TMX3: variants seen among roughly 807,000 people sequenced by gnomAD.
TMX3 encodes the protein protein disulfide-isomerase TMX3.
In TMX3, 40 loss-of-function variants were observed where a neutral mutation model predicts 64.4. That is an observed-to-expected ratio of 0.62 (90% confidence interval 0.48 to 0.81). The LOEUF is 0.81. Ranked by LOEUF, TMX3 falls within the 30% of genes least tolerant of loss-of-function variation. The pLI is 0.00. For missense variants in TMX3, 497 were observed against 534.5 expected, an observed-to-expected ratio of 0.93 and a Z score of 0.69; for synonymous variants, 189 against 175.7, an observed-to-expected ratio of 1.08 and a Z score of -0.60.
chr18:68,688,262 A>G (rs1315072149), intron 9 of TMX3, among the ~76,000 whole-genome samples: 1 of 152,134 alleles, frequency 6.6e-6, no homozygotes, highest in African/African-American at 2.4e-5. Flanking sequence ...CACTACAGGT[A>G]ATTTTTATTA....
intron 2 of TMX3, 55 bp from the exon 3 acceptor site, chr18:68,711,458 G>A (rs1433808583): frequency 3.2e-6 from 4 of 1,269,776 alleles, no homozygotes; most frequent in Non-Finnish European, 2.2e-6. Flanking sequence ...CTTTACAACT[G>A]TATAGTATAG....
intron 7 of TMX3, chr18:68,697,727 C>A: frequency 2.1e-6 from 1 of 471,346 alleles, no homozygotes; most frequent in Non-Finnish European, 3.7e-6. Context: ...AACATTTACT[C>A]ACTTTTTACA....
At chr18:68,690,672 A>C (rs1207026146) in intron 9 of TMX3, among the ~76,000 whole-genome samples, 1 of 152,242 alleles carries the variant, frequency 6.6e-6, no homozygotes, top group Non-Finnish European at 1.5e-5. Flanking sequence ...ATTTGCTTTA[A>C]AGTACTTCAG....
chr18:68,686,636 G>A (rs1016943185), intron 10 of TMX3: 2 of 648,720 alleles, frequency 3.1e-6, no homozygotes, highest in African/African-American at 2.0e-5. Context: ...GAACCAGGGA[G>A]GTGGAGGTTG....
chr18:68,697,587 GTGA>G (rs1393400668), intron 7 of TMX3: 4 of 334,096 alleles, frequency 1.2e-5, no homozygotes, highest in African/African-American at 2.1e-5. Context: ...CAAAATGATG[GTGA>G]TGATTATAGG....
In TMX3 at chr18:68,704,029, G is replaced by A. The variant is rs1211040292; in HGVS notation, c.266-2239C>T. Among the ~76,000 whole-genome samples, 6 of 151,926 alleles carry A rather than the reference G, an allele frequency of 3.9e-5. No homozygotes were observed. The East Asian group carries it at 5.8e-4, about 15-fold the overall frequency. ...AGTTAGGACTCTAACTTCATTTATC[G>A]CCTATGTAACTCTGGATGTTTTTGT... On this transcript the variant is annotated intron_variant, in intron 4 of 15. Coordinates refer to ENST00000299608, the MANE Select transcript of TMX3 (RefSeq NM_019022.5).
intron 8 of TMX3, among the ~76,000 whole-genome samples, chr18:68,692,844 G>C (rs552472275): frequency 1.0e-3 from 157 of 152,206 alleles, no homozygotes; most frequent in Non-Finnish European, 2.0e-3. Flanking sequence ...CTACATATAT[G>C]CCCACCCAGG....
At chr18:68,689,472 T>C (rs538470948) in intron 9 of TMX3, among the ~76,000 whole-genome samples, 3 of 152,048 alleles carry the variant, frequency 2.0e-5, no homozygotes, top group Admixed American at 6.5e-5. Context: ...AACATGAGAT[T>C]TGAAGACTGA....
chr18:68,704,238 GCA>G (rs2030429185), intron 4 of TMX3, among the ~76,000 whole-genome samples: 1 of 152,090 alleles, frequency 6.6e-6, no homozygotes, highest in Admixed American at 6.5e-5. Flanking sequence ...ACACATCAAT[GCA>G]CACATAGTAT....
chr18:68,691,514 C>T (rs541303551), intron 8 of TMX3, among the ~76,000 whole-genome samples, 153 bp from the exon 9 acceptor site: 41 of 152,250 alleles, frequency 2.7e-4, no homozygotes, highest in African/African-American at 9.9e-4. Flanking sequence ...CAGTCAATCC[C>T]AAACTCATCC....
intron 5 of TMX3, 80 bp downstream of exon 5, chr18:68,701,665 C>A (rs2030084723): frequency 6.3e-7 from 1 of 1,591,978 alleles, no homozygotes; most frequent in Non-Finnish European, 8.6e-7. Context: ...TCCAGGGAAT[C>A]TACTAGAAAT....
At chr18:68,687,836 G>A (rs962604028) in intron 9 of TMX3, 71 bp from the exon 10 acceptor site, 1 of 1,181,632 alleles carries the variant, frequency 8.5e-7, no homozygotes, top group African/African-American at 1.6e-5. Context: ...GCTTTAATCT[G>A]ATAATAGGTA....
chr18:68,682,236 T>G (rs567218190), intron 13 of TMX3, among the ~76,000 whole-genome samples: 1 of 152,318 alleles, frequency 6.6e-6, no homozygotes, highest in East Asian at 1.9e-4. Context: ...CAACATACAG[T>G]AAATACTCAC....
Position 68,700,522 on chromosome 18 carries a change from C to T in TMX3, c.312-37G>A, listed in dbSNP as rs1313586432. 4.4e-6 allele frequency: 6 copies of T among 1,362,532 alleles called. No homozygotes were observed. In the South Asian group the frequency reaches 4.5e-5, roughly 10 times the overall value. The allele number at this position is 1,362,532 out of a possible 1,614,324, so 84.4% of individuals were successfully genotyped here. A position where few individuals can be genotyped will look rare whatever the true frequency, so the allele number is the denominator to read the frequency against. On this transcript the variant is annotated intron_variant, in intron 5 of 15. Coordinates refer to ENST00000299608, the MANE Select transcript of TMX3 (RefSeq NM_019022.5). ...AAAAAAAATTAAAACCTGGATTGTT[C>T]TAACAGTTTTAATATTTAATGTTAA...
At chr18:68,698,299 A>G (rs1481883800) in intron 6 of TMX3, among the ~76,000 whole-genome samples, 1 of 152,202 alleles carries the variant, frequency 6.6e-6, no homozygotes, top group Non-Finnish European at 1.5e-5. Context: ...GAGTACCATC[A>G]TTACTAGTAT....
At chr18:68,712,369 C>T (rs182755370) in intron 2 of TMX3, among the ~76,000 whole-genome samples, 2 of 152,268 alleles carry the variant, frequency 1.3e-5, no homozygotes, top group Non-Finnish European at 1.5e-5. Flanking sequence ...AGCTTTTTCA[C>T]GTTGTTATGG....
intron 4 of TMX3, among the ~76,000 whole-genome samples, chr18:68,703,978 G>A (rs888104814): frequency 2.0e-5 from 3 of 151,818 alleles, no homozygotes; most frequent in South Asian, 2.1e-4. Context: ...CAAACAAAGC[G>A]GGAGTTATAA....
At chr18:68,700,348 T>C in intron 6 of TMX3, 57 bp downstream of exon 6, 1 of 1,174,812 alleles carries the variant, frequency 8.5e-7, no homozygotes. Context: ...TCTATTAAAA[T>C]ATATTTAATT....
chr18:68,690,635 A>T (rs951852637), intron 9 of TMX3, among the ~76,000 whole-genome samples: 1 of 152,250 alleles, frequency 6.6e-6, no homozygotes, highest in Non-Finnish European at 1.5e-5. Flanking sequence ...CGTAATATAA[A>T]GCACATGGTG....
Sources: allele counts gnomAD v4.1 joint callset (sites outside exome capture counted in the v4.1 genomes callset), GRCh38; gene constraint gnomAD v4.1.1; transcripts MANE v1.5; gene names NCBI Gene and HGNC (gene_info 2026-07-23, HGNC 2026-07-21).